DOP1A: variants seen among roughly 807,000 people sequenced by gnomAD.
DOP1A encodes protein DOP1A.
DOP1A carries 90 observed loss-of-function variants against 267.6 expected under a neutral mutation model. The ratio of observed to expected loss-of-function variants is 0.34; its 90% CI spans 0.28 to 0.40. DOP1A has a LOEUF of 0.40. Ranked by LOEUF, DOP1A falls within the 10% of genes least tolerant of loss-of-function variation. The pLI is 1.00. For synonymous variants in DOP1A, 932 were observed against 999.1 expected (o/e 0.93, Z 1.27); for missense variants, 2,437 against 2,900.4 (o/e 0.84, Z 3.67).
rs1025576453 is a variant in DOP1A, at chr6:83,138,734, T to C, written c.4692T>C (p.Leu1564=). Residue 1564 remains leucine (L), a synonymous_variant, in exon 21 of 39, where the codon CTT becomes CTC. Coordinates refer to ENST00000349129, the MANE Select transcript of DOP1A (RefSeq NM_015018.4). ...AVEEGFSEDS[L]INFSEDEFDN... ...AAGAAGGTTTCTCAGAGGACAGCCTTATTAATTTCTCAGAGGATGAATTTG... is the reference window on the plus strand; with the variant it reads ...AAGAAGGTTTCTCAGAGGACAGCCTCATTAATTTCTCAGAGGATGAATTTG... The C allele has an allele frequency of 1.2e-6, 2 of 1,613,920 alleles. No individual in the cohort carries two copies. Among genetic ancestry groups the C allele is most frequent in the Admixed American group, 3.3e-5 (2 of 59,996 alleles).
At chr6:83,150,258 C>T (rs897255879) in intron 27 of DOP1A, among the ~76,000 whole-genome samples, 2 of 152,148 alleles carry the variant, frequency 1.3e-5, no homozygotes, top group African/African-American at 2.4e-5. Context: ...CCTGTAGTCC[C>T]AGCTACACAG....
At chr6:83,079,848 A>G (rs774032238) in intron 1 of DOP1A, among the ~76,000 whole-genome samples, 16 of 152,132 alleles carry the variant, frequency 1.1e-4, no homozygotes, top group Admixed American at 2.0e-4. Flanking sequence ...TTATGTTTCA[A>G]ATAAGCTGGA....
At chr6:83,129,540 G>A in intron 16 of DOP1A, 32 bp downstream of exon 16, 2 of 1,471,958 alleles carry the variant, frequency 1.4e-6, no homozygotes, top group African/African-American at 2.8e-5. Flanking sequence ...TTATATTTCA[G>A]TATTGTCTGT....
At chr6:83,141,684 A>C (rs1779668677) in intron 23 of DOP1A, among the ~76,000 whole-genome samples, 1 of 152,144 alleles carries the variant, frequency 6.6e-6, no homozygotes, top group African/African-American at 2.4e-5. Flanking sequence ...GTATCTTTTC[A>C]CAGTGAATAG....
intron 38 of DOP1A, 161 bp from the exon 39 acceptor site, chr6:83,167,701 G>A: frequency 7.2e-7 from 1 of 1,393,290 alleles, no homozygotes. Context: ...GCAGTAAAAG[G>A]TCTCAGAAGC....
chr6:83,070,876 C>T (rs1785474814), intron 1 of DOP1A, among the ~76,000 whole-genome samples: 1 of 152,160 alleles, frequency 6.6e-6, no homozygotes, highest in Non-Finnish European at 1.5e-5. Flanking sequence ...TTGGCCATAT[C>T]TTCCTGTTTG....
At chr6:83,159,704 A>T (rs746927310) in intron 36 of DOP1A, 92 bp from the exon 37 acceptor site, 1 of 1,388,704 alleles carries the variant, frequency 7.2e-7, no homozygotes, top group East Asian at 2.3e-5. Context: ...CAGGATGATT[A>T]TGAAAAATAT....
chr6:83,162,183 G>C (rs1471684846), intron 37 of DOP1A, among the ~76,000 whole-genome samples: 1 of 152,108 alleles, frequency 6.6e-6, no homozygotes, highest in Non-Finnish European at 1.5e-5. Context: ...CCTATGCGGG[G>C]AGGGGAGACT....
intron 1 of DOP1A, among the ~76,000 whole-genome samples, chr6:83,081,609 CT>C: frequency 6.6e-6 from 1 of 152,072 alleles, no homozygotes; most frequent in African/African-American, 2.4e-5. Flanking sequence ...ACAAGAAAAG[CT>C]ATGTGACATT....
In DOP1A at chr6:83,155,999, G is replaced by A. The variant is rs754167363; in HGVS notation, c.6500G>A (p.Arg2167His). The part of the protein sequence containing the change: ...QSSSLNLFAN[R>H]DVELEQRAML... ...AGTTCACTTAATCTCTTTGCAAACC[G>A]TGATGTGGAGCTAGAACAGAGAGCT... The change falls in exon 34 of 39, where the codon CGT becomes CAT. Residue 2167 changes from arginine to histidine, a missense_variant. This residue lies in a region of DOP1A where 75 missense variants were observed against 149.6 expected (regional missense o/e 0.50). Transcript: ENST00000349129. The A allele has an allele frequency of 1.9e-6, 3 of 1,614,044 alleles. No individual in the cohort carries two copies. Among genetic ancestry groups the A allele is most frequent in the Admixed American group, 1.7e-5 (1 of 60,006 alleles).
chr6:83,163,678 C>T (rs2128436719), intron 38 of DOP1A, among the ~76,000 whole-genome samples: 1 of 152,240 alleles, frequency 6.6e-6, no homozygotes, highest in African/African-American at 2.4e-5. Flanking sequence ...TTGCCCTTAA[C>T]ATGAGATATT....
At chr6:83,149,505 A>T (rs192646792) in intron 27 of DOP1A, among the ~76,000 whole-genome samples, 1 of 152,298 alleles carries the variant, frequency 6.6e-6, no homozygotes, top group Admixed American at 6.5e-5. Context: ...GTAATAGAGC[A>T]GGGCACAGGC....
intron 1 of DOP1A, among the ~76,000 whole-genome samples, chr6:83,079,996 C>T (rs1048189016): frequency 6.6e-6 from 1 of 151,988 alleles, no homozygotes; most frequent in Non-Finnish European, 1.5e-5. Context: ...AAAAAATAAG[C>T]CATGTTTTCT....
chr6:83,101,108 C>T (rs1407839487), intron 4 of DOP1A, among the ~76,000 whole-genome samples: 8 of 152,066 alleles, frequency 5.3e-5, no homozygotes, highest in South Asian at 2.1e-4. Context: ...CTCTGCCTCC[C>T]GGGTTCACGC....
At chr6:83,104,183 GTTCT>G (rs370160956) in intron 4 of DOP1A, among the ~76,000 whole-genome samples, 124 of 152,208 alleles carry the variant, frequency 8.1e-4, no homozygotes, top group African/African-American at 2.5e-3. Context: ...AAGTTCACTT[GTTCT>G]TTCTAATAGC....
intron 1 of DOP1A, among the ~76,000 whole-genome samples, chr6:83,092,717 G>C (rs1458523961): frequency 1.3e-5 from 2 of 151,470 alleles, no homozygotes; most frequent in Admixed American, 1.3e-4. Flanking sequence ...ACTCTTTCTT[G>C]CACTTTACAG....
Position 83,137,716 on chromosome 6 carries a change from A to C in DOP1A, c.3674A>C (p.His1225Pro), listed in dbSNP as rs774016490. Residue 1225 changes from histidine (H) to proline (P), a missense_variant, in exon 21 of 39, where the codon CAT becomes CCT. Coordinates refer to ENST00000349129, the MANE Select transcript of DOP1A (RefSeq NM_015018.4). ...CTGTCTGTGTCTGCAGAGGGAGGCC[A>C]TGAGTGTGTGGCAAATGGAATCTCC... ...QFLSVSAEGG[H>P]ECVANGISRN... 6 of 1,613,720 alleles carry C rather than the reference A, an allele frequency of 3.7e-6. No homozygotes were observed. Among genetic ancestry groups the C allele is most frequent in the Non-Finnish European group, 5.1e-6 (6 of 1,179,818 alleles).
At chr6:83,167,210 C>T (rs1785942426) in intron 38 of DOP1A, 2 of 916,478 alleles carry the variant, frequency 2.2e-6, no homozygotes, top group Admixed American at 6.2e-5. Flanking sequence ...CCAAGGGTGC[C>T]GTAAGTATGG....
intron 23 of DOP1A, among the ~76,000 whole-genome samples, chr6:83,140,786 A>G (rs933080264): frequency 6.6e-6 from 1 of 152,206 alleles, no homozygotes; most frequent in African/African-American, 2.4e-5. Flanking sequence ...AAATGGAATG[A>G]TAACAATATT....
Sources: gnomAD v4.1 joint callset for allele counts (sites outside exome capture counted in the v4.1 genomes callset) on GRCh38, gnomAD v4.1.1 for gene constraint, gnomAD v4.1.1 regional missense constraint, MANE v1.5 for transcripts, NCBI Gene and HGNC (gene_info 2026-07-23, HGNC 2026-07-21) for gene names.